Variants in RBFOX1 observed in about 807,000 individuals in gnomAD.
RBFOX1 encodes RNA binding fox-1 homolog 1, also known as RNA binding protein fox-1 homolog 1.
A neutral mutation model predicts 57.7 loss-of-function variants in RBFOX1; 8 were observed. The ratio of observed to expected loss-of-function variants is 0.14; its 90% CI spans 0.08 to 0.25. RBFOX1 has a LOEUF of 0.25. RBFOX1 is among the 10% of genes least tolerant of loss of function. RBFOX1 has a pLI of 1.00. For missense variants in RBFOX1, 611 were observed against 548.5 expected, an observed-to-expected ratio of 1.11 and a Z score of -1.14; for synonymous variants, 326 against 222.4, an observed-to-expected ratio of 1.47 and a Z score of -4.15.
chr16:5,303,729 T>C (rs1257978209), intron 1 of RBFOX1, among the ~76,000 whole-genome samples: 2 of 152,156 alleles, frequency 1.3e-5, no homozygotes, highest in Non-Finnish European at 1.5e-5. Context: ...TTTTTTTGCT[T>C]TGTTTATGAC....
At chr16:6,958,685 G>A (rs975064067) in intron 3 of RBFOX1, among the ~76,000 whole-genome samples, 1 of 152,136 alleles carries the variant, frequency 6.6e-6, no homozygotes, top group Non-Finnish European at 1.5e-5. Flanking sequence ...TCTAATTGGG[G>A]TCACATGCTA....
At chr16:6,977,959 C>T (rs937055271) in intron 3 of RBFOX1, among the ~76,000 whole-genome samples, 1 of 67,622 alleles carries the variant, frequency 1.5e-5, no homozygotes, top group Admixed American at 1.3e-4. Flanking sequence ...AAAGGCAAAC[C>T]TCCTTTCCCA....
intron 3 of RBFOX1, among the ~76,000 whole-genome samples, chr16:6,977,958 C>T (rs927055009): frequency 9.9e-5 from 6 of 60,304 alleles, no homozygotes; most frequent in African/African-American, 2.6e-4. Flanking sequence ...AAAAGGCAAA[C>T]CTCCTTTCCC....
intron 13 of RBFOX1, among the ~76,000 whole-genome samples, chr16:7,676,230 A>T (rs2073227075): frequency 6.6e-6 from 1 of 152,232 alleles, no homozygotes; most frequent in Admixed American, 6.5e-5. Flanking sequence ...ACATTTAGAC[A>T]GCTACAGACA....
At chr16:6,597,910 T>A (rs2097793425) in intron 2 of RBFOX1, among the ~76,000 whole-genome samples, 1 of 152,144 alleles carries the variant, frequency 6.6e-6, no homozygotes, top group Non-Finnish European at 1.5e-5. Flanking sequence ...GAACAAACAT[T>A]TGTTGGGCTA....
At chr16:6,501,717 G>C (rs953991031) in intron 2 of RBFOX1, among the ~76,000 whole-genome samples, 9 of 152,086 alleles carry the variant, frequency 5.9e-5, no homozygotes, top group African/African-American at 2.2e-4. Flanking sequence ...CCAGTCCACT[G>C]ACCTGTACTG....
intron 1 of RBFOX1, among the ~76,000 whole-genome samples, chr16:5,350,312 G>A (rs540628900): frequency 6.6e-6 from 1 of 152,296 alleles, no homozygotes; most frequent in East Asian, 1.9e-4. Context: ...ACTGTTGGCT[G>A]CCTGGTGGTC....
chr16:7,300,142 T>C (rs1342556726), intron 4 of RBFOX1, among the ~76,000 whole-genome samples: 1 of 152,206 alleles, frequency 6.6e-6, no homozygotes, highest in Non-Finnish European at 1.5e-5. Flanking sequence ...TCTTGCCTGC[T>C]ATGCTTCCCA....
At chr16:6,755,137 C>A (rs1456961278) in intron 3 of RBFOX1, among the ~76,000 whole-genome samples, 4 of 152,132 alleles carry the variant, frequency 2.6e-5, no homozygotes, top group Non-Finnish European at 2.9e-5. Flanking sequence ...CAAGTCTTTG[C>A]TATTGGGGAT....
chr16:7,030,811 A>G (rs565132824), intron 3 of RBFOX1, among the ~76,000 whole-genome samples: 4 of 152,334 alleles, frequency 2.6e-5, no homozygotes, highest in African/African-American at 4.8e-5. Flanking sequence ...AGGCAGGTCC[A>G]GGACTTGACT....
intron 4 of RBFOX1, among the ~76,000 whole-genome samples, chr16:7,216,494 A>G (rs1211977981): frequency 6.6e-6 from 1 of 152,132 alleles, no homozygotes; most frequent in Non-Finnish European, 1.5e-5. Flanking sequence ...GTCGCTAAAA[A>G]TTTTTAAATA....
chr16:7,272,651 T>C (rs1455980328), intron 4 of RBFOX1, among the ~76,000 whole-genome samples: 1 of 141,184 alleles, frequency 7.1e-6, no homozygotes, highest in Non-Finnish European at 1.5e-5. Context: ...TGTGAATTTT[T>C]ACTTATATCT....
At chr16:5,696,467 A>G (rs1461552126) in intron 3 of RBFOX1, among the ~76,000 whole-genome samples, 1 of 152,204 alleles carries the variant, frequency 6.6e-6, no homozygotes, top group Non-Finnish European at 1.5e-5. Context: ...TGTAAGAAAT[A>G]ATTGTGAACT....
At chr16:6,094,173 C>A (rs1490286600) in intron 1 of RBFOX1, among the ~76,000 whole-genome samples, 10 of 152,146 alleles carry the variant, frequency 6.6e-5, no homozygotes, top group Admixed American at 2.0e-4. Flanking sequence ...TCATCTGTGT[C>A]AGAGGAGGAG....
rs1331810811 is a variant in RBFOX1 at position 6,780,270 on chromosome 16, CAT to C, written c.-16+125629_-16+125630del. Among the ~76,000 whole-genome samples the C allele has an allele frequency of 3.9e-3, 169 of 43,218 alleles. 11 individuals are homozygous for C. The highest frequency in any genetic ancestry group is 8.2e-3 in the African/African-American group (67 of 8,182). 28.4% of individuals were successfully genotyped at this position (43,218 alleles called of 152,430 possible). On this transcript the variant is annotated intron_variant, in intron 3 of 15. Transcript: ENST00000550418. ...ATATATATTTATATATATATTTATA[CAT>C]ATATATATTTATACATATATATATT...
intron 2 of RBFOX1, among the ~76,000 whole-genome samples, chr16:6,317,802 G>T (rs1378726513): frequency 1.3e-5 from 2 of 152,194 alleles, no homozygotes; most frequent in African/African-American, 4.8e-5. Context: ...TGGGTGAACA[G>T]CTTGTTTTAA....
chr16:7,529,434 T>C (rs2079462865), intron 5 of RBFOX1, among the ~76,000 whole-genome samples: 1 of 152,236 alleles, frequency 6.6e-6, no homozygotes, highest in African/African-American at 2.4e-5. Flanking sequence ...TGCAACCCTT[T>C]GGTGGGGACC....
intron 2 of RBFOX1, among the ~76,000 whole-genome samples, chr16:5,561,832 T>C (rs1318271275): frequency 6.6e-6 from 1 of 152,144 alleles, no homozygotes; most frequent in African/African-American, 2.4e-5. Flanking sequence ...TGGTTCCTTT[T>C]GCAATTTAAG....
chr16:6,812,798 C>T lies in RBFOX1; in HGVS notation c.-16+158148C>T, dbSNP rs117373801. Among the ~76,000 whole-genome samples the T allele has an allele frequency of 1.8e-4, 28 of 152,286 alleles. No homozygotes were observed. In the East Asian group the frequency reaches 4.3e-3, roughly 23 times the overall value. On this transcript the variant is annotated intron_variant, in intron 3 of 15. Transcript: ENST00000550418. Reference sequence around the variant, plus strand: ...AAGCGGCATTTTCCTTGTGGACCTCCTGTTTTACTCCATTAGGTTTTGCAT... The same window carrying T: ...AAGCGGCATTTTCCTTGTGGACCTCTTGTTTTACTCCATTAGGTTTTGCAT...
Sources: allele counts gnomAD v4.1 joint callset (sites outside exome capture counted in the v4.1 genomes callset), GRCh38; gene constraint gnomAD v4.1.1; transcripts MANE v1.5; gene names NCBI Gene and HGNC (gene_info 2026-07-23, HGNC 2026-07-21).